The following RBMS3 variants were observed in gnomAD, a reference collection of about 807,000 sequenced individuals.
The protein encoded by RBMS3 is RNA binding motif single stranded interacting protein 3, also known as RNA-binding motif, single-stranded-interacting protein 3.
In RBMS3, 27 loss-of-function variants were observed where a neutral mutation model predicts 66.8. The ratio of observed to expected loss-of-function variants is 0.40; its 90% CI spans 0.30 to 0.56. RBMS3 has a LOEUF of 0.56. Among genes scored for constraint, RBMS3 ranks in the 20% least tolerant of loss-of-function variants. The probability of loss-of-function intolerance (pLI) is 0.40; values close to 1 mark genes in which losing one functional copy is unlikely to be tolerated. For synonymous variants in RBMS3, 188 were observed against 183.0 expected, an observed-to-expected ratio of 1.03 and a Z score of -0.22; for missense variants, 513 against 549.5, an observed-to-expected ratio of 0.93 and a Z score of 0.66.
chr3:29,511,564 A>G (rs1483092022), intron 3 of RBMS3, among the ~76,000 whole-genome samples: 7 of 152,138 alleles, frequency 4.6e-5, no homozygotes, highest in Admixed American at 4.6e-4. Flanking sequence ...CCTCAACTTT[A>G]TATTTAGCCC....
At chr3:29,362,069 A>C (rs1181719785) in intron 1 of RBMS3, among the ~76,000 whole-genome samples, 1 of 152,254 alleles carries the variant, frequency 6.6e-6, no homozygotes, top group Non-Finnish European at 1.5e-5. Context: ...TTCTCCGTCC[A>C]GCTTTGTTCC....
intron 3 of RBMS3, among the ~76,000 whole-genome samples, chr3:29,502,210 AT>A (rs2044001949): frequency 6.6e-6 from 1 of 152,094 alleles, no homozygotes; most frequent in African/African-American, 2.4e-5. Context: ...TCAATAGCCT[AT>A]ACCATTGTTG....
rs144183579 is a variant in RBMS3 at position 29,468,692 on chromosome 3, C to T, written c.249-19749C>T. 4.9e-3 allele frequency among the ~76,000 whole-genome samples: 740 copies of T among 152,246 alleles called. 5 individuals are homozygous for T. The highest frequency in any genetic ancestry group is 0.017 in the African/African-American group (712 of 41,554). On this transcript the variant is annotated intron_variant, in intron 2 of 14. Coordinates refer to ENST00000383767, the MANE Select transcript of RBMS3 (RefSeq NM_001003793.3). ...ATACTCTCCTAACTAGTTTATTTCA[C>T]ATAAAATTGGCTTCCTTTTTCTTTT... is the stretch of plus-strand genomic sequence containing the variant.
At chr3:29,981,382 C>T (rs1248505902) in intron 12 of RBMS3, among the ~76,000 whole-genome samples, 16 of 152,168 alleles carry the variant, frequency 1.1e-4, no homozygotes, top group Admixed American at 1.0e-3. Context: ...CAAACAGAGA[C>T]AATTGGACTT....
intron 1 of RBMS3, among the ~76,000 whole-genome samples, chr3:29,357,984 C>A (rs1016898534): frequency 6.6e-6 from 1 of 151,922 alleles, no homozygotes; most frequent in Non-Finnish European, 1.5e-5. Flanking sequence ...CAAAAATTTT[C>A]TCCTATTCTC....
At chr3:29,315,824 T>G (rs61310356) in intron 1 of RBMS3, among the ~76,000 whole-genome samples, 3,989 of 151,862 alleles carry the variant, frequency 0.026, 177 homozygotes, top group African/African-American at 0.092. Context: ...TAAATTTTTA[T>G]AGATCAGGCT....
At chr3:29,640,674 A>G (rs1559529958) in intron 4 of RBMS3, among the ~76,000 whole-genome samples, 1 of 151,912 alleles carries the variant, frequency 6.6e-6, no homozygotes, top group South Asian at 2.1e-4. Flanking sequence ...TCATCTGTAC[A>G]ATTCTTTCTG....
In RBMS3 at chr3:29,578,790, C is replaced by CTTTTTTTT. The variant is rs1185861167; in HGVS notation, c.308-8309_308-8302dup. Among the ~76,000 whole-genome samples, 205 of 101,054 alleles carry CTTTTTTTT rather than the reference C, an allele frequency of 2.0e-3. 8 individuals carry two copies. The highest frequency in any genetic ancestry group is 2.8e-3 in the African/African-American group (62 of 22,044). 66.3% of individuals were successfully genotyped at this position (101,054 alleles called of 152,430 possible). A position where few individuals can be genotyped will look rare whatever the true frequency, so the allele number is the denominator to read the frequency against. On this transcript the variant is annotated intron_variant, in intron 3 of 14. Coordinates refer to ENST00000383767, the MANE Select transcript of RBMS3 (RefSeq NM_001003793.3). Reference sequence around the variant, plus strand: ...AAAGAATCACAGGTAATACATGCTTCTTTTTTTTTTTTTTTTTTTTTTGAG... The same window carrying CTTTTTTTT: ...AAAGAATCACAGGTAATACATGCTTCTTTTTTTTTTTTTTTTTTTTTTTTTTTTTTGAG...
intron 6 of RBMS3, among the ~76,000 whole-genome samples, chr3:29,786,016 A>G (rs1181465029): frequency 6.6e-6 from 1 of 152,048 alleles, no homozygotes. Flanking sequence ...AAATTAATGT[A>G]CACAAATCTG....
chr3:29,701,599 G>T (rs751687657), intron 4 of RBMS3, among the ~76,000 whole-genome samples: 1 of 152,076 alleles, frequency 6.6e-6, no homozygotes, highest in Non-Finnish European at 1.5e-5. Flanking sequence ...GTGGGAACTG[G>T]GGCTGCGCGC....
At chr3:29,861,746 C>A (rs952003224) in intron 6 of RBMS3, among the ~76,000 whole-genome samples, 1 of 152,154 alleles carries the variant, frequency 6.6e-6, no homozygotes, top group Non-Finnish European at 1.5e-5. Context: ...TCAGTTTATG[C>A]ATTGTATGTT....
intron 3 of RBMS3, among the ~76,000 whole-genome samples, chr3:29,516,712 C>T (rs1484167901): frequency 6.6e-6 from 1 of 152,070 alleles, no homozygotes; most frequent in Non-Finnish European, 1.5e-5. Context: ...GCTACCACAC[C>T]TGGCCAAGGA....
chr3:29,452,623 A>G (rs1270916031), intron 2 of RBMS3, among the ~76,000 whole-genome samples: 1 of 152,222 alleles, frequency 6.6e-6, no homozygotes, highest in Non-Finnish European at 1.5e-5. Flanking sequence ...AGCTGGAGAT[A>G]AGAAAGAGTT....
chr3:29,796,396 T>A (rs1023201922), intron 6 of RBMS3, among the ~76,000 whole-genome samples: 1 of 152,202 alleles, frequency 6.6e-6, no homozygotes, highest in Admixed American at 6.5e-5. Context: ...CCTGTTAATA[T>A]GGACATTTTG....
At chr3:30,002,766 G>A (rs1169309206) in intron 14 of RBMS3, among the ~76,000 whole-genome samples, 1 of 151,892 alleles carries the variant, frequency 6.6e-6, no homozygotes, top group Non-Finnish European at 1.5e-5. Context: ...ATGGCTTTTT[G>A]CAAATCAGGA....
At chr3:29,859,923 G>A (rs144277929) in intron 6 of RBMS3, among the ~76,000 whole-genome samples, 103 of 152,152 alleles carry the variant, frequency 6.8e-4, no homozygotes, top group African/African-American at 2.4e-3. Context: ...CACTCTGGTA[G>A]GCATCAGAAG....
chr3:29,593,732 A>C (rs769137830), intron 4 of RBMS3, among the ~76,000 whole-genome samples: 3 of 152,224 alleles, frequency 2.0e-5, no homozygotes, highest in South Asian at 4.1e-4. Flanking sequence ...TCATTCTCCT[A>C]CTTTCGCAAC....
intron 6 of RBMS3, among the ~76,000 whole-genome samples, chr3:29,789,521 T>C (rs2056932424): frequency 6.6e-6 from 1 of 152,118 alleles, no homozygotes; most frequent in Non-Finnish European, 1.5e-5. Flanking sequence ...TTTTCTTCCA[T>C]TAAATCACCA....
intron 3 of RBMS3, among the ~76,000 whole-genome samples, chr3:29,491,459 C>A (rs1231106674): frequency 6.6e-6 from 1 of 152,136 alleles, no homozygotes; most frequent in Non-Finnish European, 1.5e-5. Flanking sequence ...TTTTTGTGAA[C>A]ATTACATATT....
Sources: allele counts gnomAD v4.1 joint callset (sites outside exome capture counted in the v4.1 genomes callset), GRCh38; gene constraint gnomAD v4.1.1; transcripts MANE v1.5; gene names NCBI Gene and HGNC (gene_info 2026-07-23, HGNC 2026-07-21).